Variants in SOX5 observed in about 807,000 individuals in gnomAD.
SOX5 encodes SRY-box transcription factor 5, also known as transcription factor SOX-5.
Under a neutral mutation model 92.0 loss-of-function variants are expected in SOX5, and 9 were observed. The ratio of observed to expected loss-of-function variants is 0.10; its 90% CI spans 0.06 to 0.17. The LOEUF is 0.17. Ranked by LOEUF, SOX5 falls within the 10% of genes least tolerant of loss-of-function variation. The pLI is 1.00. For synonymous variants in SOX5, 344 were observed against 336.3 expected (o/e 1.02, Z -0.25); for missense variants, 642 against 944.5 (o/e 0.68, Z 4.20).
chr12:24,070,937 T>G (rs1262528676), intron 4 of SOX5, among the ~76,000 whole-genome samples: 1 of 152,166 alleles, frequency 6.6e-6, no homozygotes, highest in Non-Finnish European at 1.5e-5. Flanking sequence ...TAGTTTTGCC[T>G]AATCACCAAA....
intron 6 of SOX5, among the ~76,000 whole-genome samples, chr12:23,674,419 C>A (rs577024822): frequency 7.0e-6 from 1 of 142,970 alleles, no homozygotes; most frequent in Non-Finnish European, 1.5e-5. Flanking sequence ...CTCTCTGCAA[C>A]CTCCGCCTCC....
chr12:24,287,814 A>G (rs1946088598), intron 2 of SOX5, among the ~76,000 whole-genome samples: 1 of 152,066 alleles, frequency 6.6e-6, no homozygotes, highest in South Asian at 2.1e-4. Flanking sequence ...TCTCTTACAA[A>G]GAAAAAACTC....
At chr12:24,288,073 T>A (rs1249587941) in intron 2 of SOX5, among the ~76,000 whole-genome samples, 4 of 152,198 alleles carry the variant, frequency 2.6e-5, no homozygotes, top group Non-Finnish European at 5.9e-5. Flanking sequence ...GACAGAATAT[T>A]GTTTTTACTT....
At chr12:23,725,424 G>C (rs2093058876) in intron 6 of SOX5, among the ~76,000 whole-genome samples, 2 of 152,102 alleles carry the variant, frequency 1.3e-5, no homozygotes, top group Admixed American at 6.6e-5. Flanking sequence ...AAAACCATCA[G>C]ATCTCATGAG....
rs571102344 is a variant in SOX5, at chr12:23,860,729, A to C, written c.271-14536T>G. The stretch of plus-strand genomic sequence containing the variant: ...AAAGGCTGTAAAATAATGACTTATG[A>C]AGCATTTATTTCCAGTGAATGATTA... On this transcript the variant is annotated intron_variant, in intron 2 of 14. Transcript: ENST00000451604. Among the ~76,000 whole-genome samples, 3 of 152,238 alleles carry C rather than the reference A, an allele frequency of 2.0e-5. No individual in the cohort carries two copies. In the South Asian group the frequency reaches 6.2e-4, roughly 32 times the overall value.
chr12:23,728,099 C>T (rs554781709), intron 6 of SOX5, among the ~76,000 whole-genome samples: 3 of 152,154 alleles, frequency 2.0e-5, no homozygotes, highest in African/African-American at 4.8e-5. Context: ...GTTATCCTTA[C>T]GAACCCTTCA....
chr12:23,792,558 G>C (rs996384536), intron 3 of SOX5, among the ~76,000 whole-genome samples: 1 of 139,254 alleles, frequency 7.2e-6, no homozygotes. Context: ...AGGAGGCAGA[G>C]GTTGCAGTGA....
intron 3 of SOX5, among the ~76,000 whole-genome samples, chr12:24,244,627 A>C (rs1256864704): frequency 6.6e-6 from 1 of 152,256 alleles, no homozygotes; most frequent in African/African-American, 2.4e-5. Flanking sequence ...GAGAGATTAG[A>C]TACATCAACA....
chr12:23,537,675 A>C (rs1940862893), intron 13 of SOX5, among the ~76,000 whole-genome samples: 1 of 152,214 alleles, frequency 6.6e-6, no homozygotes, highest in African/African-American at 2.4e-5. Flanking sequence ...ATTAAAAAAG[A>C]CAAGTTTGAA....
At chr12:23,887,300 A>G (rs1225031944) in intron 2 of SOX5, among the ~76,000 whole-genome samples, 1 of 152,174 alleles carries the variant, frequency 6.6e-6, no homozygotes. Flanking sequence ...GATCCACAAG[A>G]AGATCCATTA....
chr12:24,283,349 C>T (rs1595145093), intron 2 of SOX5, among the ~76,000 whole-genome samples: 2 of 152,220 alleles, frequency 1.3e-5, no homozygotes, highest in African/African-American at 4.8e-5. Context: ...AAAAGTCAAA[C>T]TTCTTTACAG....
intron 1 of SOX5, among the ~76,000 whole-genome samples, chr12:23,921,719 C>T (rs1342812220): frequency 2.0e-5 from 3 of 152,202 alleles, no homozygotes; most frequent in Middle Eastern, 3.2e-3. Context: ...CTCTCTAACT[C>T]ACACTCCCCA....
At chr12:24,280,372 T>C (rs756561267) in intron 2 of SOX5, among the ~76,000 whole-genome samples, 4 of 152,210 alleles carry the variant, frequency 2.6e-5, no homozygotes, top group Non-Finnish European at 5.9e-5. Flanking sequence ...ATGTTAGCCA[T>C]GTTCTGAGGT....
At chr12:23,696,669 G>T in intron 6 of SOX5, among the ~76,000 whole-genome samples, 1 of 151,688 alleles carries the variant, frequency 6.6e-6, no homozygotes, top group African/African-American at 2.4e-5. Flanking sequence ...GTTTTTCAAG[G>T]GGAAAGCTTA....
chr12:24,488,664 T>C lies in SOX5; in HGVS notation c.-251+73665A>G, dbSNP rs557047135. Among the ~76,000 whole-genome samples, 12 of 152,340 alleles carry C rather than the reference T, an allele frequency of 7.9e-5. 1 individual carries two copies. The highest frequency in any genetic ancestry group is 2.9e-4 in the African/African-American group (12 of 41,586). On this transcript the variant is annotated intron_variant, in intron 1 of 4. Transcript: ENST00000446891. ...AAATTTTCACATTTAATTTTGAAGA[T>C]GTTCAATATCTAATCTTTTATTTTG...
At position 23,533,713 on chromosome 12, in the gene SOX5, T is replaced by C. The variant is rs1449727103; in HGVS notation, c.*506A>G. On this transcript the variant is annotated 3_prime_UTR_variant, in exon 15 of 15. Coordinates refer to ENST00000451604, the MANE Select transcript of SOX5 (RefSeq NM_006940.6). ...TTTTCTTTTTTTTCTGTCAGGTGCA[T>C]TACAAAGAAAAAAAATGAAAGGAAA... is the stretch of plus-strand genomic sequence containing the variant. 6.6e-6 allele frequency: 1 copy of C among 151,448 alleles called. No individual in the cohort carries two copies. Among genetic ancestry groups the C allele is most frequent in the East Asian group, 1.9e-4 (1 of 5,154 alleles). 9.4% of individuals were successfully genotyped at this position (151,448 alleles called of 1,614,324 possible).
chr12:24,062,350 T>C (rs990647747), intron 4 of SOX5, among the ~76,000 whole-genome samples: 4 of 152,214 alleles, frequency 2.6e-5, no homozygotes, highest in East Asian at 1.9e-4. Flanking sequence ...ATCTTTACCA[T>C]TGATAGTTTA....
At chr12:24,347,336 G>T (rs1953430826) in intron 2 of SOX5, among the ~76,000 whole-genome samples, 1 of 152,126 alleles carries the variant, frequency 6.6e-6, no homozygotes, top group Admixed American at 6.5e-5. Context: ...TTGAAATTTG[G>T]TATCTGCTGG....
chr12:24,254,449 TCACCTTCCTTACCCATGCTC>T (rs1940768722), intron 3 of SOX5, among the ~76,000 whole-genome samples: 1 of 151,680 alleles, frequency 6.6e-6, no homozygotes, highest in Non-Finnish European at 1.5e-5. Flanking sequence ...TAGCTTAGCC[TCACCTTCCTTACCCATGCTC>T]CAAACACCTA....
Sources: gnomAD v4.1 joint callset for allele counts (sites outside exome capture counted in the v4.1 genomes callset) on GRCh38, gnomAD v4.1.1 for gene constraint, MANE v1.5 for transcripts, NCBI Gene and HGNC (gene_info 2026-07-23, HGNC 2026-07-21) for gene names.